HPS3: variants seen among roughly 807,000 people sequenced by gnomAD.
HPS3 encodes the protein HPS3 biogenesis of lysosomal organelles complex 2 subunit 1.
In HPS3, 79 loss-of-function variants were observed where a neutral mutation model predicts 110.9. The ratio of observed to expected loss-of-function variants is 0.71; its 90% CI spans 0.59 to 0.86. The LOEUF is 0.86. Among genes scored for constraint, HPS3 ranks in the 40% least tolerant of loss-of-function variants. HPS3 has a pLI of 0.00. For synonymous variants in HPS3, 428 were observed against 451.0 expected (o/e 0.95, Z 0.65); for missense variants, 1,197 against 1,206.2 (o/e 0.99, Z 0.11).
At chr3:149,136,961 AATAG>A (rs1347307502) in intron 1 of HPS3, among the ~76,000 whole-genome samples, 4 of 152,222 alleles carry the variant, frequency 2.6e-5, no homozygotes, top group Admixed American at 1.3e-4. Flanking sequence ...ACAGAAGAAA[AATAG>A]ATAAACTAGA....
chr3:149,143,675 C>G (rs1018406939), intron 4 of HPS3, among the ~76,000 whole-genome samples: 1 of 152,102 alleles, frequency 6.6e-6, no homozygotes, highest in Admixed American at 6.5e-5. Context: ...TGGGAACCAA[C>G]ATTATATGAG....
At position 149,157,401 on chromosome 3, in the gene HPS3, C is replaced by T. The variant is rs780982970; in HGVS notation, c.1561C>T (p.Leu521Phe). 6 of 1,613,890 alleles carry T rather than the reference C, an allele frequency of 3.7e-6. No individual in the cohort carries two copies. The highest frequency in any genetic ancestry group is 1.7e-6 in the Non-Finnish European group (2 of 1,179,868). ...KTVKTQSCIH[L>F]LSEAHLLVRA... Reference sequence around the variant, plus strand: ...TGTCAAAACCCAGAGCTGCATTCACCTTCTCAGTGAGGCTCATCTGTTAGT... The same window carrying T: ...TGTCAAAACCCAGAGCTGCATTCACTTTCTCAGTGAGGCTCATCTGTTAGT... The change falls in exon 9 of 17, where the codon CTT (leucine) becomes TTT (phenylalanine). Residue 521 changes from leucine to phenylalanine, a missense_variant. Leu to Phe is a conservative substitution (Grantham distance 22, BLOSUM62 0). Coordinates refer to ENST00000296051, the MANE Select transcript of HPS3 (RefSeq NM_032383.5).
In HPS3 at chr3:149,173,602, T is replaced by C; in HGVS notation, c.*1380T>C. On this transcript the variant is annotated 3_prime_UTR_variant, in exon 17 of 17. Coordinates refer to ENST00000296051, the MANE Select transcript of HPS3 (RefSeq NM_032383.5). ...GTACAAAGTTGTATGCTTCCAGTCT[T>C]CTTTTAATGTTTATAGTCATTCCAA... 1 of 749,662 alleles carries C rather than the reference T, an allele frequency of 1.3e-6. No individual in the cohort carries two copies. Among genetic ancestry groups the C allele is most frequent in the Non-Finnish European group, 2.2e-6 (1 of 453,846 alleles). The allele number at this position is 749,662 out of a possible 1,614,324, so 46.4% of individuals were successfully genotyped here.
rs374369715 is a variant in HPS3 at position 149,132,375 on chromosome 3, A to C, written c.217+2435A>C. 1.3e-4 allele frequency among the ~76,000 whole-genome samples: 20 copies of C among 152,320 alleles called. 1 individual carries two copies. The highest frequency in any genetic ancestry group is 4.6e-4 in the African/African-American group (19 of 41,578). ...GTTCTCATTTACCATTCTGAAAATC[A>C]TAGGGCCCTTTTAAAAATTATGCTA... On this transcript the variant is annotated intron_variant, in intron 1 of 16. Coordinates refer to ENST00000296051, the MANE Select transcript of HPS3 (RefSeq NM_032383.5).
chr3:149,143,112 G>A (rs1722582731), intron 4 of HPS3, among the ~76,000 whole-genome samples: 1 of 152,044 alleles, frequency 6.6e-6, no homozygotes, highest in Non-Finnish European at 1.5e-5. Context: ...CATATTAGAG[G>A]GTCAGCTAAA....
In HPS3 at chr3:149,158,663, T is replaced by G. The variant is rs1363465651; in HGVS notation, c.1692-3T>G. The G allele has an allele frequency of 2.5e-6, 4 of 1,613,240 alleles. No homozygotes were observed. The Admixed American group carries it at 5.0e-5, about 20-fold the overall frequency. Reference sequence around the variant, plus strand: ...TTGAGGTTTTTCATTTCCTTCCCTTTAGGCTTGACTCCCAGCATTCTCATC... The same window carrying G: ...TTGAGGTTTTTCATTTCCTTCCCTTGAGGCTTGACTCCCAGCATTCTCATC... On this transcript the variant is annotated splice_polypyrimidine_tract_variant and splice_region_variant and intron_variant, in intron 9 of 16. Coordinates refer to ENST00000296051, the MANE Select transcript of HPS3 (RefSeq NM_032383.5).
At chr3:149,132,735 G>C (rs1237951896) in intron 1 of HPS3, among the ~76,000 whole-genome samples, 1 of 152,148 alleles carries the variant, frequency 6.6e-6, no homozygotes, top group African/African-American at 2.4e-5. Flanking sequence ...TCTTCTGATG[G>C]ATCTGGGCAA....
At chr3:149,158,516 G>A (rs974131074) in intron 9 of HPS3, 150 bp from the exon 10 acceptor site, 2 of 743,598 alleles carry the variant, frequency 2.7e-6, no homozygotes, top group Admixed American at 4.1e-5. Flanking sequence ...GACTAGGCAT[G>A]GTGGCTTACA....
At chr3:149,168,259 G>T (rs1421603773) in intron 16 of HPS3, 2 of 381,822 alleles carry the variant, frequency 5.2e-6, no homozygotes, top group Non-Finnish European at 9.7e-6. Flanking sequence ...GTTTTAAAAT[G>T]TGAGTAGTCA....
rs1015389261 is a variant in HPS3, at chr3:149,143,364, C to T, written c.970+1984C>T. Among the ~76,000 whole-genome samples, 4 of 152,174 alleles carry T rather than the reference C, an allele frequency of 2.6e-5. No individual in the cohort carries two copies. The East Asian group carries it at 7.7e-4, about 29-fold the overall frequency. On this transcript the variant is annotated intron_variant, in intron 4 of 16. Coordinates refer to ENST00000296051, the MANE Select transcript of HPS3 (RefSeq NM_032383.5). ...GTGTGACTGGTGCATTTAAGTCATT[C>T]AGTTCGCAGCTGAAGTGTAACTTCA...
chr3:149,142,145 G>A (rs751771741), intron 4 of HPS3, among the ~76,000 whole-genome samples: 12 of 152,096 alleles, frequency 7.9e-5, no homozygotes, highest in South Asian at 2.1e-4. Flanking sequence ...CACCACACCC[G>A]GCCCAAAATC....
At chr3:149,150,228 T>C (rs1185058142) in intron 5 of HPS3, among the ~76,000 whole-genome samples, 1 of 152,218 alleles carries the variant, frequency 6.6e-6, no homozygotes, top group East Asian at 1.9e-4. Context: ...CACCCATCTG[T>C]ACCTTGGGCA....
intron 14 of HPS3, among the ~76,000 whole-genome samples, 187 bp from the exon 15 acceptor site, chr3:149,166,847 A>T (rs1724473979): frequency 6.6e-6 from 1 of 152,212 alleles, no homozygotes; most frequent in Non-Finnish European, 1.5e-5. Flanking sequence ...TTTAAACTAG[A>T]GGTAGTTTCA....
At chr3:149,167,864 T>A (rs993631124) in intron 15 of HPS3, 29 bp from the exon 16 acceptor site, 4 of 1,359,532 alleles carry the variant, frequency 2.9e-6, no homozygotes, top group Non-Finnish European at 4.2e-6. Flanking sequence ...TGCATCAAAC[T>A]AAAATTTATT....
At chr3:149,141,227 G>A in intron 3 of HPS3, 39 bp downstream of exon 3, 1 of 1,500,994 alleles carries the variant, frequency 6.7e-7, no homozygotes, top group Non-Finnish European at 9.1e-7. Flanking sequence ...AGCATTTTAT[G>A]TATATATGCC....
intron 4 of HPS3, among the ~76,000 whole-genome samples, chr3:149,141,767 C>T (rs765677543): frequency 6.6e-6 from 1 of 151,844 alleles, no homozygotes; most frequent in Non-Finnish European, 1.5e-5. Flanking sequence ...GATCTCCTGA[C>T]TTTGTGATCT....
At chr3:149,135,229 T>C (rs1293873897) in intron 1 of HPS3, among the ~76,000 whole-genome samples, 4 of 152,122 alleles carry the variant, frequency 2.6e-5, no homozygotes, top group African/African-American at 9.7e-5. Flanking sequence ...CAGGTAGAAA[T>C]TTTGAAGGAT....
intron 7 of HPS3, 72 bp downstream of exon 7, chr3:149,153,720 A>G: frequency 6.8e-7 from 1 of 1,467,506 alleles, no homozygotes; most frequent in Non-Finnish European, 9.5e-7. Context: ...TTTTGTGTTT[A>G]TCTTTTTTCA....
At chr3:149,166,668 T>C (rs995089230) in intron 14 of HPS3, among the ~76,000 whole-genome samples, 2 of 152,206 alleles carry the variant, frequency 1.3e-5, no homozygotes, top group Non-Finnish European at 2.9e-5. Context: ...ATTTTCAATA[T>C]TGCGAATACT....
Sources: allele counts gnomAD v4.1 joint callset (sites outside exome capture counted in the v4.1 genomes callset), GRCh38; gene constraint gnomAD v4.1.1; transcripts MANE v1.5; gene names NCBI Gene and HGNC (gene_info 2026-07-23, HGNC 2026-07-21).